The following GOLGB1 variants were observed in gnomAD, a reference collection of about 807,000 sequenced individuals.
GOLGB1 encodes golgin B1.
In GOLGB1, 174 loss-of-function variants were observed where a neutral mutation model predicts 336.9. The ratio of observed to expected loss-of-function variants is 0.52; its 90% CI spans 0.46 to 0.59. The LOEUF is 0.59. Among genes scored for constraint, GOLGB1 ranks in the 20% least tolerant of loss-of-function variants. GOLGB1 has a pLI of 0.00. For missense variants in GOLGB1, 3,331 were observed against 3,645.3 expected, an observed-to-expected ratio of 0.91 and a Z score of 2.22; for synonymous variants, 1,208 against 1,289.2, an observed-to-expected ratio of 0.94 and a Z score of 1.35.
At chr3:121,665,175 C>A (rs1576236053) in intron 20 of GOLGB1, 144 bp from the exon 21 acceptor site, 2 of 602,808 alleles carry the variant, frequency 3.3e-6, no homozygotes, top group East Asian at 5.5e-5. Context: ...CAAACCCATG[C>A]AAGGGGGGTA....
chr3:121,722,521 G>A (rs1945272063), intron 5 of GOLGB1, 143 bp from the exon 6 acceptor site: 2 of 577,816 alleles, frequency 3.5e-6, no homozygotes, highest in Admixed American at 3.1e-5. Context: ...AAAGGAAATT[G>A]CATGCATTAT....
intron 2 of GOLGB1, chr3:121,730,348 C>G (rs1945995026): frequency 9.3e-6 from 2 of 215,668 alleles, no homozygotes; most frequent in Non-Finnish European, 1.8e-5. Context: ...ACTCTCTTAA[C>G]CACTACGCAT....
intron 14 of GOLGB1, among the ~76,000 whole-genome samples, chr3:121,684,198 T>A (rs1576309436): frequency 2.4e-5 from 2 of 84,050 alleles, no homozygotes; most frequent in Admixed American, 1.1e-4. Context: ...CCTTAGAAAT[T>A]AAGAATATAA....
chr3:121,693,895 T>A lies in GOLGB1; in HGVS notation c.6628A>T (p.Ile2210Leu). 6.2e-7 allele frequency: 1 copy of A among 1,614,100 alleles called. No homozygotes were observed. The highest frequency in any genetic ancestry group is 8.5e-7 in the Non-Finnish European group (1 of 1,179,918). ...SSLQDDRDRV[I>L]DEAKKWERKF... ...CTCTCCCATTTCTTAGCTTCATCTATCACCCTGTCACGATCATCCTGGAGG... is the reference window on the plus strand; with the variant it reads ...CTCTCCCATTTCTTAGCTTCATCTAACACCCTGTCACGATCATCCTGGAGG... The change falls in exon 13 of 22, where the codon ATA (isoleucine) becomes TTA (leucine). Residue 2210 changes from isoleucine to leucine, a missense_variant. Physicochemically the swap from Ile to Leu is conservative, Grantham distance 5 (BLOSUM62 2). Coordinates refer to ENST00000614479, the MANE Select transcript of GOLGB1 (RefSeq NM_001366282.2).
At chr3:121,685,245 T>A (rs2107707612) in intron 14 of GOLGB1, among the ~76,000 whole-genome samples, 2 of 152,286 alleles carry the variant, frequency 1.3e-5, no homozygotes, top group South Asian at 4.1e-4. Context: ...TATTAAAATG[T>A]GCACACACTG....
At chr3:121,693,147 G>A (rs1942610246) in intron 13 of GOLGB1, among the ~76,000 whole-genome samples, 1 of 152,138 alleles carries the variant, frequency 6.6e-6, no homozygotes, top group East Asian at 1.9e-4. Flanking sequence ...TAATTTGAGA[G>A]TACTGTGGTA....
At chr3:121,671,163 G>T (rs1939482245) in intron 17 of GOLGB1, among the ~76,000 whole-genome samples, 1 of 152,194 alleles carries the variant, frequency 6.6e-6, no homozygotes, top group African/African-American at 2.4e-5. Flanking sequence ...TGAGCCTGAA[G>T]GAAAAGTTTG....
intron 15 of GOLGB1, among the ~76,000 whole-genome samples, chr3:121,679,058 C>A (rs745851329): frequency 1.3e-5 from 2 of 152,048 alleles, no homozygotes; most frequent in Non-Finnish European, 2.9e-5. Context: ...TATTATTGTT[C>A]TGTTCCTTAA....
At position 121,694,920 on chromosome 3, in the gene GOLGB1, C is replaced by T; in HGVS notation, c.5603G>A (p.Ser1868Asn). The change falls in exon 13 of 22, where the codon AGC becomes AAC. Residue 1868 changes from serine to asparagine, a missense_variant. Transcript: ENST00000614479. The stretch of plus-strand genomic sequence containing the variant: ...ATTTTTCTCATTTTCTAAAGTCTGG[C>T]TAAATTCCTTGTTTTTCTGCTTCTC... ...EEEKQKNKEF[S>N]QTLENEKNTL... 2 of 1,613,938 alleles carry T rather than the reference C, an allele frequency of 1.2e-6. No individual in the cohort carries two copies. The highest frequency in any genetic ancestry group is 1.1e-5 in the South Asian group (1 of 91,074).
intron 15 of GOLGB1, among the ~76,000 whole-genome samples, chr3:121,679,283 A>G (rs967663240): frequency 2.0e-5 from 3 of 152,216 alleles, no homozygotes; most frequent in Non-Finnish European, 4.4e-5. Context: ...AAACACTTCC[A>G]ATCCCAAGCA....
chr3:121,668,333 T>TG (rs1938952981), intron 18 of GOLGB1, 175 bp from the exon 19 acceptor site: 1 of 446,068 alleles, frequency 2.2e-6, no homozygotes, highest in Non-Finnish European at 4.0e-6. Context: ...ACTCTTGTCT[T>TG]GATTAGATTT....
intron 1 of GOLGB1, among the ~76,000 whole-genome samples, chr3:121,743,012 T>C (rs1029179281): frequency 6.6e-6 from 1 of 152,232 alleles, no homozygotes; most frequent in Admixed American, 6.5e-5. Context: ...TTTTACACTA[T>C]TGGTGGTAGT....
chr3:121,697,713 T>C lies in GOLGB1; in HGVS notation c.2810A>G (p.Lys937Arg). The C allele has an allele frequency of 6.2e-7, 1 of 1,613,924 alleles. No individual in the cohort carries two copies. The highest frequency in any genetic ancestry group is 8.5e-7 in the Non-Finnish European group (1 of 1,179,974). Residue 937 changes from lysine (K) to arginine (R), a missense_variant, in exon 13 of 22, where the codon AAA becomes AGA. Coordinates refer to ENST00000614479, the MANE Select transcript of GOLGB1 (RefSeq NM_001366282.2). ...FSLGVEIKTL[K>R]EQLNLLSRAE... ...TCTGGATAATAAATTTAGCTGTTCT[T>C]TAAGAGTCTTAATTTCAACCCCAAG...
At chr3:121,719,250 A>G (rs1261890794) in intron 7 of GOLGB1, among the ~76,000 whole-genome samples, 1 of 152,228 alleles carries the variant, frequency 6.6e-6, no homozygotes. Flanking sequence ...CTGATCTAAT[A>G]AAAGACTTCA....
At chr3:121,683,631 G>A (rs1292805311) in intron 14 of GOLGB1, among the ~76,000 whole-genome samples, 1 of 152,040 alleles carries the variant, frequency 6.6e-6, no homozygotes, top group Non-Finnish European at 1.5e-5. Context: ...CCTGAAGAAT[G>A]GCTAACATTA....
intron 8 of GOLGB1, 78 bp downstream of exon 8, chr3:121,718,309 CT>C (rs1461110371): frequency 1.2e-6 from 1 of 833,152 alleles, no homozygotes; most frequent in Admixed American, 2.3e-5. Flanking sequence ...TTTAAATAGG[CT>C]TTTATATCTA....
intron 6 of GOLGB1, 68 bp downstream of exon 6, chr3:121,722,194 G>C: frequency 1.2e-6 from 1 of 843,168 alleles, no homozygotes; most frequent in Non-Finnish European, 2.0e-6. Context: ...GTGACTCACT[G>C]AATTGACTTG....
intron 1 of GOLGB1, among the ~76,000 whole-genome samples, chr3:121,748,470 T>C (rs754176252): frequency 1.1e-4 from 17 of 152,212 alleles, no homozygotes; most frequent in Non-Finnish European, 5.9e-5. Flanking sequence ...TAAATGGTCA[T>C]TCTGTGGTCA....
chr3:121,684,127 CA>C (rs61510295), intron 14 of GOLGB1, among the ~76,000 whole-genome samples: 482 of 10,914 alleles, frequency 0.044, 4 homozygotes, highest in East Asian at 0.24. Flanking sequence ...GACGCCGTCT[CA>C]AAAAAAAAAA....
Sources: gnomAD v4.1 joint callset for allele counts (sites outside exome capture counted in the v4.1 genomes callset) on GRCh38, gnomAD v4.1.1 for gene constraint, MANE v1.5 for transcripts, NCBI Gene and HGNC (gene_info 2026-07-23, HGNC 2026-07-21) for gene names.